The following FRYL variants were observed in gnomAD, a reference collection of about 807,000 sequenced individuals.
The protein encoded by FRYL is protein furry homolog-like.
In FRYL, 150 loss-of-function variants were observed where a neutral mutation model predicts 351.2. The ratio of observed to expected loss-of-function variants is 0.43; its 90% CI spans 0.37 to 0.49. The LOEUF is 0.49. Ranked by LOEUF, FRYL falls within the 20% of genes least tolerant of loss-of-function variation. The probability of loss-of-function intolerance (pLI) is 0.00; values close to 1 mark genes in which losing one functional copy is unlikely to be tolerated. For missense variants in FRYL, 3,036 were observed against 3,619.3 expected (o/e 0.84, Z 4.13); for synonymous variants, 1,153 against 1,257.1 (o/e 0.92, Z 1.75).
At chr4:48,767,922 C>T (rs1445200642) in intron 1 of FRYL, among the ~76,000 whole-genome samples, 1 of 152,168 alleles carries the variant, frequency 6.6e-6, no homozygotes, top group Non-Finnish European at 1.5e-5. Flanking sequence ...ACAGCCCCAG[C>T]GGTGCCCTCA....
chr4:48,548,598 A>T, intron 40 of FRYL, 92 bp downstream of exon 40: 1 of 719,990 alleles, frequency 1.4e-6, no homozygotes, highest in Non-Finnish European at 2.4e-6. Context: ...ATAACAGGAA[A>T]CAGAAACACA....
intron 1 of FRYL, among the ~76,000 whole-genome samples, chr4:48,749,068 A>T (rs1208864103): frequency 2.8e-4 from 42 of 152,312 alleles, no homozygotes; most frequent in Admixed American, 2.4e-3. Context: ...ATGAGCAAGG[A>T]AACGGTAGGG....
chr4:48,714,779 A>C (rs967967738), intron 1 of FRYL, among the ~76,000 whole-genome samples: 3 of 151,306 alleles, frequency 2.0e-5, no homozygotes, highest in East Asian at 3.9e-4. Context: ...TTATGAGACC[A>C]GCATCATCCT....
intron 3 of FRYL, among the ~76,000 whole-genome samples, chr4:48,681,693 C>T (rs1211523884): frequency 6.6e-6 from 1 of 152,092 alleles, no homozygotes; most frequent in African/African-American, 2.4e-5. Flanking sequence ...ACCAAAAAAA[C>T]TCCCTATTAC....
At position 48,716,507 on chromosome 4, in the gene FRYL, C is replaced by T. The variant is rs933393724; in HGVS notation, c.-383-5809G>A. Among the ~76,000 whole-genome samples the T allele has an allele frequency of 1.3e-4, 20 of 151,414 alleles. 1 individual carries two copies. The highest frequency in any genetic ancestry group is 4.8e-4 in the African/African-American group (20 of 41,278). ...TCTCAAAAGAGGACATTTATGCAGC[C>T]AAAAAACACACGAAAAAATGCTCAC... On this transcript the variant is annotated intron_variant, in intron 1 of 63. Coordinates refer to ENST00000358350, the MANE Select transcript of FRYL (RefSeq NM_015030.2).
At chr4:48,556,401 G>C (rs1734135961) in intron 35 of FRYL, among the ~76,000 whole-genome samples, 1 of 152,136 alleles carries the variant, frequency 6.6e-6, no homozygotes, top group African/African-American at 2.4e-5. Context: ...CCCCTGGAAG[G>C]CAAAGATGTT....
intron 2 of FRYL, among the ~76,000 whole-genome samples, chr4:48,696,034 C>G (rs558699679): frequency 5.6e-4 from 85 of 152,222 alleles, no homozygotes; most frequent in African/African-American, 1.9e-3. Flanking sequence ...ACAATAGATG[C>G]TGGTGAGGCT....
At chr4:48,651,328 T>TA (rs1243646657) in intron 3 of FRYL, among the ~76,000 whole-genome samples, 1 of 147,166 alleles carries the variant, frequency 6.8e-6, no homozygotes, top group Non-Finnish European at 1.5e-5. Flanking sequence ...TGTGTGTGTG[T>TA]GTGTGTGTGT....
At chr4:48,706,509 T>G (rs1033313564) in intron 2 of FRYL, among the ~76,000 whole-genome samples, 2 of 152,148 alleles carry the variant, frequency 1.3e-5, no homozygotes, top group African/African-American at 4.8e-5. Flanking sequence ...GGGGAGTTAT[T>G]TAATGGGTAT....
chr4:48,547,880 G>T, intron 40 of FRYL, 111 bp from the exon 41 acceptor site: 1 of 697,098 alleles, frequency 1.4e-6, no homozygotes, highest in Non-Finnish European at 2.2e-6. Context: ...TTTCATGGAA[G>T]GTGACATATT....
intron 4 of FRYL, among the ~76,000 whole-genome samples, chr4:48,633,944 T>G (rs1245708112): frequency 1.4e-4 from 22 of 152,212 alleles, no homozygotes; most frequent in Non-Finnish European, 1.5e-5. Flanking sequence ...AAATAGAGCT[T>G]CTCACATTCT....
chr4:48,608,503 T>C (rs1370436303), intron 9 of FRYL, among the ~76,000 whole-genome samples: 1 of 152,208 alleles, frequency 6.6e-6, no homozygotes, highest in African/African-American at 2.4e-5. Context: ...GTATAACTCT[T>C]AATGAATTAA....
At chr4:48,687,630 C>T (rs902659740) in intron 2 of FRYL, among the ~76,000 whole-genome samples, 2 of 151,940 alleles carry the variant, frequency 1.3e-5, no homozygotes, top group African/African-American at 4.8e-5. Context: ...AGAATAATAA[C>T]AGAAATGCCA....
chr4:48,676,131 G>A (rs1157991328), intron 3 of FRYL, among the ~76,000 whole-genome samples: 1 of 152,174 alleles, frequency 6.6e-6, no homozygotes, highest in Non-Finnish European at 1.5e-5. Context: ...GGATGTGGGT[G>A]GGGCCAGATA....
chr4:48,571,029 T>C, intron 26 of FRYL, 111 bp from the exon 27 acceptor site: 2 of 789,090 alleles, frequency 2.5e-6, no homozygotes, highest in Non-Finnish European at 4.2e-6. Flanking sequence ...ATTTTGCTTG[T>C]ACAGTGTAGA....
At chr4:48,697,642 AC>A (rs1484644722) in intron 2 of FRYL, among the ~76,000 whole-genome samples, 1 of 151,912 alleles carries the variant, frequency 6.6e-6, no homozygotes, top group African/African-American at 2.4e-5. Context: ...ACCACACCCG[AC>A]TAATTTTGTA....
At chr4:48,550,442 G>T (rs1732451834) in intron 38 of FRYL, 150 bp downstream of exon 38, 4 of 568,252 alleles carry the variant, frequency 7.0e-6, no homozygotes, top group Non-Finnish European at 9.2e-6. Context: ...TTAAAATCAA[G>T]ATGTTTCAGA....
intron 3 of FRYL, chr4:48,680,940 G>A (rs1386240050): frequency 3.3e-6 from 4 of 1,224,676 alleles, no homozygotes; most frequent in Non-Finnish European, 3.1e-6. Flanking sequence ...CTAGTTGTTG[G>A]TGTTCGTATT....
chr4:48,529,573 T>A (rs1039104343), intron 50 of FRYL, among the ~76,000 whole-genome samples: 3 of 152,202 alleles, frequency 2.0e-5, no homozygotes, highest in Non-Finnish European at 2.9e-5. Context: ...ACAAATATGC[T>A]TTCTACATAA....
Sources: gnomAD v4.1 joint callset for allele counts (sites outside exome capture counted in the v4.1 genomes callset) on GRCh38, gnomAD v4.1.1 for gene constraint, MANE v1.5 for transcripts, NCBI Gene and HGNC (gene_info 2026-07-23, HGNC 2026-07-21) for gene names.